RELN: variants seen among roughly 807,000 people sequenced by gnomAD.
The protein encoded by RELN is reelin.
In RELN, 108 loss-of-function variants were observed where a neutral mutation model predicts 427.6. That is an observed-to-expected ratio of 0.25 (90% CI 0.22 to 0.30). The LOEUF (loss-of-function observed/expected upper bound fraction) is 0.30. Ranked by LOEUF, RELN falls within the 10% of genes least tolerant of loss-of-function variation. The pLI, the probability that RELN is intolerant of heterozygous loss-of-function variation, is 1.00. For synonymous variants in RELN, 1,524 were observed against 1,513.4 expected (o/e 1.01, Z -0.16); for missense variants, 3,715 against 4,302.8 (o/e 0.86, Z 3.82).
At chr7:103,787,727 G>A (rs1286023260) in intron 3 of RELN, among the ~76,000 whole-genome samples, 1 of 152,076 alleles carries the variant, frequency 6.6e-6, no homozygotes, top group Non-Finnish European at 1.5e-5. Context: ...AAGACCAGAT[G>A]GATTCACAGC....
Position 103,988,752 on chromosome 7 carries a change from CG to C in RELN, c.226+378del, listed in dbSNP as rs1482702589. 1.3e-5 allele frequency among the ~76,000 whole-genome samples: 2 copies of C among 152,076 alleles called. No individual in the cohort carries two copies. Among genetic ancestry groups the C allele is most frequent in the African/African-American group, 2.4e-5 (1 of 41,392 alleles). On this transcript the variant is annotated intron_variant, in intron 1 of 64. Transcript: ENST00000428762. The surrounding 1 kb of genome is among the most constrained non-coding windows in gnomAD (Gnocchi z 4.9). ...CCCCCGGGGACCCATCTGGGGGGAC[CG>C]GGAGCAGGACAAAGGTCTGAAATCC...
intron 4 of RELN, among the ~76,000 whole-genome samples, chr7:103,757,408 G>A (rs1195252632): frequency 6.6e-6 from 1 of 152,060 alleles, no homozygotes; most frequent in Non-Finnish European, 1.5e-5. Flanking sequence ...GTCTGTTACT[G>A]ATTTTCTGTC....
intron 53 of RELN, among the ~76,000 whole-genome samples, chr7:103,498,621 A>G (rs1335135325): frequency 3.3e-5 from 5 of 151,830 alleles, no homozygotes; most frequent in African/African-American, 1.2e-4. Context: ...CCTCCTGAGT[A>G]GCTGGGATTA....
chr7:103,691,833 A>G (rs1208320154), intron 10 of RELN, among the ~76,000 whole-genome samples: 1 of 152,136 alleles, frequency 6.6e-6, no homozygotes, highest in Non-Finnish European at 1.5e-5. Flanking sequence ...AATAAAAACT[A>G]AAATAAAAAG....
intron 2 of RELN, among the ~76,000 whole-genome samples, chr7:103,880,071 A>G (rs562931829): frequency 3.9e-5 from 6 of 152,144 alleles, no homozygotes; most frequent in African/African-American, 1.4e-4. Context: ...AAACTACAAA[A>G]ATACCATCAT....
chr7:103,804,048 A>G (rs1792534212), intron 3 of RELN, among the ~76,000 whole-genome samples: 1 of 152,116 alleles, frequency 6.6e-6, no homozygotes. Context: ...CTTCACCTTC[A>G]GTACTGCTCA....
intron 1 of RELN, among the ~76,000 whole-genome samples, chr7:103,959,717 C>A (rs1796507900): frequency 6.6e-6 from 1 of 152,046 alleles, no homozygotes; most frequent in African/African-American, 2.4e-5. Context: ...CTCACGTGAT[C>A]CTCTTGCCTC....
At chr7:103,904,171 C>A (rs10246821) in intron 2 of RELN, among the ~76,000 whole-genome samples, 16,394 of 152,112 alleles carry the variant, frequency 0.11, 1,112 homozygotes, top group East Asian at 0.27. Flanking sequence ...CATGTCCCTG[C>A]AAAGGACATG....
At chr7:103,917,723 C>G (rs1795518116) in intron 1 of RELN, among the ~76,000 whole-genome samples, 5 of 152,086 alleles carry the variant, frequency 3.3e-5, no homozygotes, top group Admixed American at 3.3e-4. Context: ...AGACTTTTTC[C>G]TCTCGTGAAG....
intron 2 of RELN, among the ~76,000 whole-genome samples, chr7:103,837,624 A>C (rs39375): frequency 0.37 from 56,946 of 151,970 alleles, 11,045 homozygotes; most frequent in Non-Finnish European, 0.43. Flanking sequence ...CTAATGATAC[A>C]ATCAGACATG....
intron 1 of RELN, among the ~76,000 whole-genome samples, chr7:103,975,156 CA>C (rs1187435024): frequency 6.6e-6 from 1 of 152,236 alleles, no homozygotes; most frequent in Non-Finnish European, 1.5e-5. Context: ...ATTGTACTCA[CA>C]AACCCATCTT....
In RELN at chr7:103,824,627, AGTGTGTGT is replaced by A. The variant is rs368098458; in HGVS notation, c.473+8902_473+8909del. On this transcript the variant is annotated intron_variant, in intron 3 of 64. Transcript: ENST00000428762. This position sits in a 1 kb window ranked among gnomAD's most constrained non-coding sequence, Gnocchi z 4.4. The stretch of plus-strand genomic sequence containing the variant: ...GTGTTTTCACTTTCTTTCAAAACAG[AGTGTGTGT>A]GTGTGTGTGTGTGTGTGTGTGTGTG... Among the ~76,000 whole-genome samples, 13,480 of 130,876 alleles carry A rather than the reference AGTGTGTGT, an allele frequency of 0.1. 682 individuals are homozygous for A. Among genetic ancestry groups the A allele is most frequent in the Admixed American group, 0.12 (1,540 of 12,550 alleles). The allele number at this position is 130,876 out of a possible 152,430, so 85.9% of individuals were successfully genotyped here.
chr7:103,548,021 T>C (rs1253511003), intron 41 of RELN, among the ~76,000 whole-genome samples: 1 of 152,342 alleles, frequency 6.6e-6, no homozygotes, highest in East Asian at 1.9e-4. Context: ...ATCTGTTTTT[T>C]AAACATAAAC....
chr7:103,633,761 G>C (rs898425582), intron 19 of RELN, among the ~76,000 whole-genome samples: 3 of 152,032 alleles, frequency 2.0e-5, no homozygotes, highest in African/African-American at 7.2e-5. Flanking sequence ...ATCTTTCTTA[G>C]AAAAAATTGT....
intron 3 of RELN, among the ~76,000 whole-genome samples, chr7:103,794,749 G>A (rs1434786486): frequency 6.6e-6 from 1 of 152,048 alleles, no homozygotes. Context: ...CTGTAGGGGG[G>A]CTTTCCTGTG....
At chr7:103,859,380 A>G (rs11767771) in intron 2 of RELN, among the ~76,000 whole-genome samples, 2 of 151,960 alleles carry the variant, frequency 1.3e-5, no homozygotes, top group East Asian at 3.9e-4. Context: ...TGAAACCTCC[A>G]CCTCCCAGGT....
intron 6 of RELN, among the ~76,000 whole-genome samples, chr7:103,728,864 T>A (rs1044506217): frequency 6.6e-6 from 1 of 152,276 alleles, no homozygotes; most frequent in East Asian, 1.9e-4. Flanking sequence ...ACACACAAAT[T>A]CTAATTCAAG....
At chr7:103,619,016 G>C (rs1202746909) in intron 20 of RELN, among the ~76,000 whole-genome samples, 2 of 152,102 alleles carry the variant, frequency 1.3e-5, no homozygotes, top group African/African-American at 4.8e-5. Context: ...TACTTGGGAG[G>C]CTGAGGCAGG....
chr7:103,651,902 A>T (rs1584378092), intron 14 of RELN, 113 bp from the exon 15 acceptor site: 2 of 1,163,718 alleles, frequency 1.7e-6, no homozygotes, highest in East Asian at 2.6e-5. Context: ...ACAGTGTAAA[A>T]TTTTTTAAAG....
Sources: gnomAD v4.1 joint callset for allele counts (sites outside exome capture counted in the v4.1 genomes callset) on GRCh38, gnomAD v4.1.1 for gene constraint, Gnocchi (gnomAD v3.1) non-coding constraint, MANE v1.5 for transcripts, NCBI Gene and HGNC (gene_info 2026-07-23, HGNC 2026-07-21) for gene names.